PTPRR: variants seen among roughly 807,000 people sequenced by gnomAD.
PTPRR encodes receptor-type tyrosine-protein phosphatase R.
In PTPRR, 38 loss-of-function variants were observed where a neutral mutation model predicts 77.2. The observed-to-expected ratio is 0.49, with a 90% CI of 0.38 to 0.65. PTPRR has a LOEUF of 0.65. PTPRR is among the 30% of genes least tolerant of loss of function. PTPRR has a pLI of 0.00. For synonymous variants in PTPRR, 299 were observed against 283.1 expected, an observed-to-expected ratio of 1.06 and a Z score of -0.57; for missense variants, 744 against 799.2, an observed-to-expected ratio of 0.93 and a Z score of 0.83.
intron 2 of PTPRR, among the ~76,000 whole-genome samples, chr12:70,818,371 G>A (rs1456858812): frequency 6.6e-6 from 1 of 152,082 alleles, no homozygotes; most frequent in African/African-American, 2.4e-5. Context: ...AGAAGGATAG[G>A]TAGCTGATAA....
intron 5 of PTPRR, among the ~76,000 whole-genome samples, chr12:70,748,194 A>G (rs1365954990): frequency 6.6e-6 from 1 of 152,160 alleles, no homozygotes; most frequent in East Asian, 1.9e-4. Context: ...CTCATTTCAC[A>G]TTTAAGTCCT....
chr12:70,849,669 A>C (rs1300449684), intron 2 of PTPRR, among the ~76,000 whole-genome samples: 2 of 152,252 alleles, frequency 1.3e-5, no homozygotes, highest in African/African-American at 4.8e-5. Context: ...TCAGTCTACA[A>C]AAATATGTGG....
intron 2 of PTPRR, among the ~76,000 whole-genome samples, chr12:70,842,668 T>C (rs1474936610): frequency 6.6e-6 from 1 of 152,228 alleles, no homozygotes; most frequent in African/African-American, 2.4e-5. Context: ...TCTACCTCTG[T>C]ATTTCTCTTA....
chr12:70,661,567 G>T (rs1886801034), intron 11 of PTPRR, among the ~76,000 whole-genome samples: 1 of 152,100 alleles, frequency 6.6e-6, no homozygotes, highest in African/African-American at 2.4e-5. Context: ...TATTTAATAG[G>T]AGTGAGGAAT....
At chr12:70,837,620 G>A (rs1291575254) in intron 2 of PTPRR, among the ~76,000 whole-genome samples, 1 of 152,080 alleles carries the variant, frequency 6.6e-6, no homozygotes, top group Non-Finnish European at 1.5e-5. Flanking sequence ...CATATGGAAA[G>A]CAGTGCTGAG....
intron 2 of PTPRR, among the ~76,000 whole-genome samples, chr12:70,780,372 G>A: frequency 6.6e-6 from 1 of 152,076 alleles, no homozygotes; most frequent in East Asian, 1.9e-4. Context: ...TCCAGTGTTA[G>A]TGCCCATTTC....
chr12:70,656,645 G>T, intron 13 of PTPRR, 59 bp downstream of exon 13: 1 of 1,199,804 alleles, frequency 8.3e-7, no homozygotes, highest in Non-Finnish European at 1.2e-6. Context: ...AAGTCAGGCT[G>T]ATGAGATCAG....
intron 2 of PTPRR, among the ~76,000 whole-genome samples, chr12:70,850,065 A>T (rs1297457050): frequency 6.6e-6 from 1 of 152,192 alleles, no homozygotes. Context: ...TCTATTTAAA[A>T]AAAAGTAATT....
intron 2 of PTPRR, among the ~76,000 whole-genome samples, chr12:70,854,453 A>G (rs574341298): frequency 6.6e-6 from 1 of 152,350 alleles, no homozygotes; most frequent in South Asian, 2.1e-4. Flanking sequence ...ACATCTTCAT[A>G]AGGCTCTCAG....
At chr12:70,896,656 G>T (rs1330307142) in intron 1 of PTPRR, among the ~76,000 whole-genome samples, 1 of 151,708 alleles carries the variant, frequency 6.6e-6, no homozygotes, top group Non-Finnish European at 1.5e-5. Flanking sequence ...AGACAAATTA[G>T]AACATATTTT....
intron 10 of PTPRR, among the ~76,000 whole-genome samples, chr12:70,681,395 G>T (rs1887653488): frequency 6.6e-6 from 1 of 152,222 alleles, no homozygotes; most frequent in South Asian, 2.1e-4. Context: ...TGGACTCAGG[G>T]TCTGTAGAAA....
chr12:70,876,606 T>G (rs1219838749), intron 2 of PTPRR, among the ~76,000 whole-genome samples: 2 of 152,182 alleles, frequency 1.3e-5, no homozygotes, highest in Non-Finnish European at 2.9e-5. Flanking sequence ...AAATATAAAT[T>G]AAAAAGATTT....
In PTPRR at chr12:70,920,236, G is replaced by T. The variant is rs1271287512; in HGVS notation, c.58+97C>A. The T allele has an allele frequency of 3.0e-6, 4 of 1,332,296 alleles. No individual in the cohort carries two copies. The Admixed American group carries it at 5.6e-5, about 19-fold the overall frequency. 82.5% of individuals were successfully genotyped at this position (1,332,296 alleles called of 1,614,324 possible). A position where few individuals can be genotyped will look rare whatever the true frequency, so the allele number is the denominator to read the frequency against. On this transcript the variant is annotated intron_variant, in intron 1 of 13. Coordinates refer to ENST00000283228, the MANE Select transcript of PTPRR (RefSeq NM_002849.4). Reference sequence around the variant, plus strand: ...CTGTCCTGTTTTACCTTTTTAGAAAGGCTTTCTTCGCAAGGCAAGCTTTTC... The same window carrying T: ...CTGTCCTGTTTTACCTTTTTAGAAATGCTTTCTTCGCAAGGCAAGCTTTTC...
intron 1 of PTPRR, among the ~76,000 whole-genome samples, chr12:70,904,936 G>C (rs1386764965): frequency 6.6e-6 from 1 of 151,730 alleles, no homozygotes; most frequent in African/African-American, 2.4e-5. Flanking sequence ...AGGAAAGATA[G>C]GGTTGAGGGA....
intron 6 of PTPRR, among the ~76,000 whole-genome samples, chr12:70,713,205 C>T (rs116382572): frequency 6.6e-6 from 1 of 152,222 alleles, no homozygotes; most frequent in African/African-American, 2.4e-5. Flanking sequence ...ACGGTTCATC[C>T]ATGTTGTAGC....
intron 2 of PTPRR, among the ~76,000 whole-genome samples, chr12:70,821,618 G>A (rs1892014845): frequency 6.6e-6 from 1 of 151,950 alleles, no homozygotes; most frequent in Non-Finnish European, 1.5e-5. Context: ...AGCTTACTCT[G>A]TGAGGGAGAG....
intron 2 of PTPRR, among the ~76,000 whole-genome samples, chr12:70,766,463 A>G (rs1890825212): frequency 6.6e-6 from 1 of 152,172 alleles, no homozygotes; most frequent in South Asian, 2.1e-4. Flanking sequence ...AAGTTTAGAG[A>G]AAAAAGAATA....
chr12:70,873,015 T>C (rs952969684), intron 2 of PTPRR, among the ~76,000 whole-genome samples: 5 of 152,226 alleles, frequency 3.3e-5, no homozygotes, highest in Non-Finnish European at 7.3e-5. Context: ...CTGATATTAA[T>C]ATCCTGATTT....
At chr12:70,836,893 T>G (rs1269600943) in intron 2 of PTPRR, among the ~76,000 whole-genome samples, 1 of 152,066 alleles carries the variant, frequency 6.6e-6, no homozygotes, top group Non-Finnish European at 1.5e-5. Context: ...GTTCAATATA[T>G]AATTAATTGA....
Sources: gnomAD v4.1 joint callset for allele counts (sites outside exome capture counted in the v4.1 genomes callset) on GRCh38, gnomAD v4.1.1 for gene constraint, MANE v1.5 for transcripts, NCBI Gene and HGNC (gene_info 2026-07-23, HGNC 2026-07-21) for gene names.